The following FAM135B variants were observed in gnomAD, a reference collection of about 807,000 sequenced individuals.
FAM135B encodes the protein family with sequence similarity 135 member B.
FAM135B carries 43 observed loss-of-function variants against 127.7 expected under a neutral mutation model. That is an observed-to-expected ratio of 0.34 (90% CI 0.26 to 0.43). The LOEUF (loss-of-function observed/expected upper bound fraction) is 0.43. Ranked by LOEUF, FAM135B falls within the 20% of genes least tolerant of loss-of-function variation. The pLI is 1.00. For synonymous variants in FAM135B, 670 were observed against 665.1 expected, an observed-to-expected ratio of 1.01 and a Z score of -0.11; for missense variants, 1,558 against 1,725.6, an observed-to-expected ratio of 0.90 and a Z score of 1.72.
chr8:138,240,278 A>G (rs1374839956), intron 7 of FAM135B, among the ~76,000 whole-genome samples: 1 of 152,214 alleles, frequency 6.6e-6, no homozygotes, highest in East Asian at 1.9e-4. Context: ...CGAGATAGAA[A>G]TTTGGCTGGG....
At chr8:138,443,773 A>G (rs944664103) in intron 1 of FAM135B, among the ~76,000 whole-genome samples, 3 of 152,192 alleles carry the variant, frequency 2.0e-5, no homozygotes, top group African/African-American at 7.2e-5. Context: ...CTAACATCAT[A>G]ATGACAGGAT....
At chr8:138,207,464 C>G (rs889191463) in intron 7 of FAM135B, among the ~76,000 whole-genome samples, 1 of 152,042 alleles carries the variant, frequency 6.6e-6, no homozygotes, top group Non-Finnish European at 1.5e-5. Context: ...CCCACCTTGG[C>G]CTCCCAAAAT....
chr8:138,489,530 T>C (rs1271589542), intron 1 of FAM135B, among the ~76,000 whole-genome samples: 1 of 152,196 alleles, frequency 6.6e-6, no homozygotes, highest in Non-Finnish European at 1.5e-5. Context: ...TTCTTTATAT[T>C]GCAACCAGAA....
intron 1 of FAM135B, among the ~76,000 whole-genome samples, chr8:138,422,534 T>A (rs1834572130): frequency 6.6e-6 from 1 of 152,010 alleles, no homozygotes; most frequent in Non-Finnish European, 1.5e-5. Flanking sequence ...ACATCACTAA[T>A]CACTAGAGAA....
chr8:138,429,106 A>C (rs903750190), intron 1 of FAM135B, among the ~76,000 whole-genome samples: 2 of 152,200 alleles, frequency 1.3e-5, no homozygotes, highest in Non-Finnish European at 2.9e-5. Context: ...AAATATGGGT[A>C]TCTTTAAAAG....
intron 3 of FAM135B, among the ~76,000 whole-genome samples, chr8:138,294,023 A>G (rs558168815): frequency 6.6e-6 from 1 of 152,330 alleles, no homozygotes; most frequent in East Asian, 1.9e-4. Context: ...ATGAGTAGGT[A>G]AAGAAAATAT....
chr8:138,224,925 G>A (rs1819299640), intron 7 of FAM135B, among the ~76,000 whole-genome samples: 1 of 152,286 alleles, frequency 6.6e-6, no homozygotes, highest in African/African-American at 2.4e-5. Context: ...CAGAGGTGGG[G>A]AGAACAGGAA....
rs139619256 is a variant in FAM135B at position 138,142,546 on chromosome 8, C to T, written c.3638+466G>A. On this transcript the variant is annotated intron_variant, in intron 16 of 19. Coordinates refer to ENST00000395297, the MANE Select transcript of FAM135B (RefSeq NM_015912.4). ...GTCTCGATCTCCTGACCTCGTGATC[C>T]GCCCGCCTCAGCCTCCCAAAGTGCT... Among the ~76,000 whole-genome samples the T allele has an allele frequency of 4.2e-3, 638 of 151,952 alleles. 7 individuals are homozygous for T. Among genetic ancestry groups the T allele is most frequent in the African/African-American group, 0.014 (585 of 41,448 alleles).
At chr8:138,254,355 G>A (rs1563824614) in intron 5 of FAM135B, among the ~76,000 whole-genome samples, 2 of 152,182 alleles carry the variant, frequency 1.3e-5, no homozygotes, top group Non-Finnish European at 2.9e-5. Context: ...CACATGGAGG[G>A]CAGGTTGGAG....
chr8:138,156,248 T>C (rs201685729), intron 12 of FAM135B, among the ~76,000 whole-genome samples: 1 of 152,144 alleles, frequency 6.6e-6, no homozygotes, highest in African/African-American at 2.4e-5. Context: ...TTGAAACCCA[T>C]GAGAACAAAG....
intron 1 of FAM135B, among the ~76,000 whole-genome samples, chr8:138,495,927 T>C (rs765060157): frequency 6.6e-6 from 1 of 152,118 alleles, no homozygotes; most frequent in Non-Finnish European, 1.5e-5. Flanking sequence ...GAGCAAGGAT[T>C]GTCACTATGA....
At chr8:138,278,789 T>C (rs935409195) in intron 3 of FAM135B, among the ~76,000 whole-genome samples, 2 of 151,956 alleles carry the variant, frequency 1.3e-5, no homozygotes, top group African/African-American at 2.4e-5. Flanking sequence ...GAGAACATGA[T>C]TTTTTCTTAA....
intron 1 of FAM135B, among the ~76,000 whole-genome samples, chr8:138,374,039 C>T (rs1831311755): frequency 6.6e-6 from 1 of 152,160 alleles, no homozygotes; most frequent in Non-Finnish European, 1.5e-5. Flanking sequence ...TTGTGACACA[C>T]ACCCTATTCG....
At chr8:138,287,071 T>A (rs1824743728) in intron 3 of FAM135B, among the ~76,000 whole-genome samples, 1 of 152,198 alleles carries the variant, frequency 6.6e-6, no homozygotes, top group Non-Finnish European at 1.5e-5. Context: ...AAGTGTAAAA[T>A]GTCTGTATGA....
At chr8:138,387,843 C>T (rs1279318332) in intron 1 of FAM135B, among the ~76,000 whole-genome samples, 1 of 152,172 alleles carries the variant, frequency 6.6e-6, no homozygotes, top group Non-Finnish European at 1.5e-5. Context: ...CTAGTGGTCT[C>T]CCTGCCTCCT....
chr8:138,283,114 T>C (rs1215727357), intron 3 of FAM135B, among the ~76,000 whole-genome samples: 1 of 152,102 alleles, frequency 6.6e-6, no homozygotes, highest in African/African-American at 2.4e-5. Context: ...TTGGCCAGGA[T>C]GGTCTCACTC....
At chr8:138,193,042 A>G (rs1190600103) in intron 9 of FAM135B, among the ~76,000 whole-genome samples, 2 of 152,172 alleles carry the variant, frequency 1.3e-5, no homozygotes, top group Non-Finnish European at 2.9e-5. Flanking sequence ...TTTGCAATAC[A>G]GGATTCTCCA....
intron 1 of FAM135B, among the ~76,000 whole-genome samples, chr8:138,417,123 G>A (rs757787378): frequency 2.0e-5 from 3 of 152,184 alleles, no homozygotes; most frequent in Non-Finnish European, 4.4e-5. Flanking sequence ...CATCCTCCTA[G>A]GCTCACAATA....
chr8:138,187,206 A>G (rs548328799), intron 9 of FAM135B, among the ~76,000 whole-genome samples: 3 of 152,346 alleles, frequency 2.0e-5, no homozygotes, highest in South Asian at 2.1e-4. Flanking sequence ...ACTCCCAAAC[A>G]TATTTCTTTG....
Sources: gnomAD v4.1 joint callset for allele counts (sites outside exome capture counted in the v4.1 genomes callset) on GRCh38, gnomAD v4.1.1 for gene constraint, MANE v1.5 for transcripts, NCBI Gene and HGNC (gene_info 2026-07-23, HGNC 2026-07-21) for gene names.